Variants in CLEC3A observed in about 807,000 individuals in gnomAD.
CLEC3A encodes the protein C-type (calcium dependent, carbohydrate-recognition domain) lectin, superfamily member 1 (cartilage-derived).
A neutral mutation model predicts 20.4 loss-of-function variants in CLEC3A; 28 were observed. The observed-to-expected ratio is 1.37, with a 90% CI of 1.02 to 1.88. The LOEUF (loss-of-function observed/expected upper bound fraction) is 1.88. Ranked by LOEUF, CLEC3A falls within the 40% of genes most tolerant of loss-of-function variation. CLEC3A has a pLI of 0.00. For synonymous variants in CLEC3A, 110 were observed against 88.1 expected (o/e 1.25, Z -1.39); for missense variants, 357 against 240.4 (o/e 1.48, Z -3.21).
intron 1 of CLEC3A, 92 bp from the exon 2 acceptor site, chr16:78,028,015 A>G: frequency 1.1e-6 from 1 of 878,018 alleles, no homozygotes; most frequent in Non-Finnish European, 1.8e-6. Context: ...CAAAACCACT[A>G]TTGCCTTGGG....
intron 1 of CLEC3A, 113 bp downstream of exon 1, chr16:78,022,854 G>A (rs1480120569): frequency 1.8e-6 from 2 of 1,101,434 alleles, no homozygotes; most frequent in Non-Finnish European, 2.6e-6. Flanking sequence ...ATGGCACCAT[G>A]CCATCATCCC....
chr16:78,028,952 T>A (rs1454275971), intron 2 of CLEC3A: 2 of 344,442 alleles, frequency 5.8e-6, no homozygotes, highest in East Asian at 1.7e-4. Context: ...ACATACTCCC[T>A]TTATCAGGCT....
In CLEC3A at chr16:78,031,871, C is replaced by G. The variant is rs778485931; in HGVS notation, c.*1030C>G. 3 of 152,308 alleles carry G rather than the reference C, an allele frequency of 2.0e-5. No individual in the cohort carries two copies. The highest frequency in any genetic ancestry group is 1.9e-4 in the East Asian group (1 of 5,160). The allele number at this position is 152,308 out of a possible 1,614,324, so 9.4% of individuals were successfully genotyped here. A position where few individuals can be genotyped will look rare whatever the true frequency, so the allele number is the denominator to read the frequency against. ...ATTCTGCTTGTTTAACTAGATTGTA[C>G]AAAATAACTTCATTGCTTAATATCA... On this transcript the variant is annotated 3_prime_UTR_variant, in exon 3 of 3. Transcript: ENST00000299642.
rs1474506804 is a variant in CLEC3A at position 78,022,720 on chromosome 16, C to T, written c.94C>T (p.His32Tyr). 3.1e-6 allele frequency: 5 copies of T among 1,614,120 alleles called. No individual in the cohort carries two copies. The highest frequency in any genetic ancestry group is 3.3e-5 in the Admixed American group (2 of 60,004). Reference sequence around the variant, plus strand: ...CACATCCAGATTAAAAGCCAGGAAGCACAGCAAACGTCGAGTGAGAGGTAA... The same window carrying T: ...CACATCCAGATTAAAAGCCAGGAAGTACAGCAAACGTCGAGTGAGAGGTAA... ...SHTSRLKARK[H>Y]SKRRVRDKDG... Residue 32 changes from histidine (H) to tyrosine (Y), a missense_variant, in exon 1 of 3, where the codon CAC becomes TAC. Transcript: ENST00000299642.
intron 1 of CLEC3A, among the ~76,000 whole-genome samples, chr16:78,024,336 G>A (rs1354413805): frequency 6.6e-6 from 1 of 152,022 alleles, no homozygotes; most frequent in African/African-American, 2.4e-5. Context: ...GGTGCTGTGT[G>A]GGTGTTTCTG....
chr16:78,029,577 C>T (rs545691049), intron 2 of CLEC3A, among the ~76,000 whole-genome samples: 1 of 152,166 alleles, frequency 6.6e-6, no homozygotes, highest in African/African-American at 2.4e-5. Context: ...ACTATGTTGG[C>T]CAGACTGGTC....
At chr16:78,028,245 G>A in intron 2 of CLEC3A, 55 bp downstream of exon 2, 1 of 1,346,870 alleles carries the variant, frequency 7.4e-7, no homozygotes, top group Non-Finnish European at 1.0e-6. Flanking sequence ...AAAATTTCTG[G>A]GTCAATTTCT....
rs1035457811 is a variant in CLEC3A at position 78,028,747 on chromosome 16, T to A, written c.199+557T>A. 7.9e-5 allele frequency among the ~76,000 whole-genome samples: 12 copies of A among 152,250 alleles called. 1 individual carries two copies. Among genetic ancestry groups the A allele is most frequent in the African/African-American group, 2.9e-4 (12 of 41,476 alleles). ...TTACAAGGCTCATCCCCCAAGGAGC[T>A]AATATCCTTTGTAGCAATTTCAAAA... On this transcript the variant is annotated intron_variant, in intron 2 of 2. Transcript: ENST00000299642.
intron 1 of CLEC3A, among the ~76,000 whole-genome samples, chr16:78,026,594 G>C (rs910459018): frequency 6.6e-6 from 1 of 152,202 alleles, no homozygotes; most frequent in African/African-American, 2.4e-5. Flanking sequence ...TGGAGACAAT[G>C]ATTGTGTCTC....
chr16:78,022,811 T>C (rs1460696347), intron 1 of CLEC3A, 70 bp downstream of exon 1: 6 of 1,529,154 alleles, frequency 3.9e-6, no homozygotes, highest in Non-Finnish European at 5.4e-6. Flanking sequence ...ACAATGTTAA[T>C]TTTCAAACTC....
rs572646273 is a variant in CLEC3A, at chr16:78,032,097, C to A, written c.*1256C>A. On this transcript the variant is annotated 3_prime_UTR_variant, in exon 3 of 3. Coordinates refer to ENST00000299642, the MANE Select transcript of CLEC3A (RefSeq NM_005752.6). ...TCAATAATAAAGCCTGAATTCTGAT[C>A]AATAGAAAATGTGTTCGAGTGTTAA... 2.6e-5 allele frequency: 4 copies of A among 152,548 alleles called. No homozygotes were observed. The highest frequency in any genetic ancestry group is 9.6e-5 in the African/African-American group (4 of 41,516). The allele number at this position is 152,548 out of a possible 1,614,324, so 9.4% of individuals were successfully genotyped here.
chr16:78,030,405 C>T (rs1279279397), intron 2 of CLEC3A, 42 bp from the exon 3 acceptor site: 3 of 1,534,984 alleles, frequency 2.0e-6, no homozygotes, highest in African/African-American at 2.8e-5. Flanking sequence ...TCATAATACA[C>T]TCAAAATGCA....
intron 2 of CLEC3A, 111 bp downstream of exon 2, chr16:78,028,301 C>A: frequency 2.9e-6 from 2 of 683,200 alleles, no homozygotes; most frequent in Non-Finnish European, 4.7e-6. Context: ...AATAATGTGG[C>A]CAATAAGAGG....
Position 78,030,784 on chromosome 16 carries a change from T to C in CLEC3A, c.537T>C (p.Ser179=). The change falls in exon 3 of 3, where the codon AGT becomes AGC. Residue 179 remains serine, a synonymous_variant. Transcript: ENST00000299642. ...LFSQSAQGKW[S]DEACRSSKRY... The stretch of plus-strand genomic sequence containing the variant: ...CCCAATCAGCTCAGGGCAAGTGGAG[T>C]GATGAGGCCTGTCGCAGCAGCAAGA... The C allele has an allele frequency of 2.5e-6, 4 of 1,613,848 alleles. No homozygotes were observed. The highest frequency in any genetic ancestry group is 3.4e-6 in the Non-Finnish European group (4 of 1,179,924).
chr16:78,027,512 G>A (rs1452469982), intron 1 of CLEC3A, among the ~76,000 whole-genome samples: 2 of 152,210 alleles, frequency 1.3e-5, no homozygotes, highest in African/African-American at 2.4e-5. Flanking sequence ...GTCACAGGAT[G>A]TGACTGGAGA....
chr16:78,025,997 C>A (rs553920819), intron 1 of CLEC3A, among the ~76,000 whole-genome samples: 1 of 152,290 alleles, frequency 6.6e-6, no homozygotes, highest in South Asian at 2.1e-4. Context: ...ACAGCTTATA[C>A]CTTGGAAGAA....
intron 1 of CLEC3A, among the ~76,000 whole-genome samples, chr16:78,023,845 C>T (rs918557348): frequency 1.3e-5 from 2 of 151,592 alleles, no homozygotes; most frequent in African/African-American, 2.4e-5. Context: ...ACAAGCTCCA[C>T]CTCCTGGGTT....
chr16:78,031,651 C>T lies in CLEC3A; in HGVS notation c.*810C>T, dbSNP rs2030128347. ...CATTTATTTTGCTTTAGCATCCTTA[C>T]TCTCACCTTTTATGAGATTGAGAGT... On this transcript the variant is annotated 3_prime_UTR_variant, in exon 3 of 3. Coordinates refer to ENST00000299642, the MANE Select transcript of CLEC3A (RefSeq NM_005752.6). 6.6e-6 allele frequency: 1 copy of T among 152,204 alleles called. No homozygotes were observed. Among genetic ancestry groups the T allele is most frequent in the Non-Finnish European group, 1.5e-5 (1 of 68,048 alleles). The allele number at this position is 152,204 out of a possible 1,614,324, so 9.4% of individuals were successfully genotyped here. A position where few individuals can be genotyped will look rare whatever the true frequency, so the allele number is the denominator to read the frequency against.
intron 1 of CLEC3A, among the ~76,000 whole-genome samples, chr16:78,025,674 T>C (rs1021386021): frequency 6.6e-6 from 1 of 152,240 alleles, no homozygotes; most frequent in African/African-American, 2.4e-5. Flanking sequence ...ACAAGATCTC[T>C]CTGGTACTTG....
Sources: gnomAD v4.1 joint callset for allele counts (sites outside exome capture counted in the v4.1 genomes callset) on GRCh38, gnomAD v4.1.1 for gene constraint, MANE v1.5 for transcripts, NCBI Gene and HGNC (gene_info 2026-07-23, HGNC 2026-07-21) for gene names.